Variants in PPP1R9A observed in about 807,000 individuals in gnomAD.
PPP1R9A encodes protein phosphatase 1 regulatory subunit 9A.
In PPP1R9A, 59 loss-of-function variants were observed where a neutral mutation model predicts 141.9. The ratio of observed to expected loss-of-function variants is 0.42; its 90% CI spans 0.34 to 0.52. The LOEUF is 0.52. Ranked by LOEUF, PPP1R9A falls within the 20% of genes least tolerant of loss-of-function variation. The pLI is 0.10. For synonymous variants in PPP1R9A, 500 were observed against 569.7 expected, an observed-to-expected ratio of 0.88 and a Z score of 1.74; for missense variants, 1,444 against 1,611.9, an observed-to-expected ratio of 0.90 and a Z score of 1.78.
intron 5 of PPP1R9A, among the ~76,000 whole-genome samples, chr7:95,194,648 A>G (rs1459273769): frequency 6.6e-6 from 1 of 152,072 alleles, no homozygotes; most frequent in African/African-American, 2.4e-5. Context: ...TTCAAAGATC[A>G]ATTATATGTC....
At chr7:95,198,572 C>T (rs1836628673) in intron 6 of PPP1R9A, 88 bp downstream of exon 6, 1 of 1,385,390 alleles carries the variant, frequency 7.2e-7, no homozygotes, top group Non-Finnish European at 9.5e-7. Context: ...AGGTTTTATG[C>T]AGTTTCTTGA....
intron 2 of PPP1R9A, among the ~76,000 whole-genome samples, chr7:94,926,045 C>T (rs1403999484): frequency 6.6e-6 from 1 of 152,054 alleles, no homozygotes; most frequent in East Asian, 1.9e-4. Context: ...TCAGGCTAGT[C>T]TGGAACTCCT....
chr7:95,072,974 T>C (rs979768707), intron 2 of PPP1R9A, among the ~76,000 whole-genome samples: 1 of 131,868 alleles, frequency 7.6e-6, no homozygotes, highest in African/African-American at 2.9e-5. Flanking sequence ...ATATATAATA[T>C]AATAATAATA....
At chr7:94,916,223 C>T (rs1792060404) in intron 2 of PPP1R9A, among the ~76,000 whole-genome samples, 1 of 152,118 alleles carries the variant, frequency 6.6e-6, no homozygotes, top group Admixed American at 6.6e-5. Context: ...AGTGTTTCAT[C>T]CATCCCATTA....
intron 4 of PPP1R9A, among the ~76,000 whole-genome samples, chr7:95,158,491 A>C (rs1829980718): frequency 6.6e-6 from 1 of 151,956 alleles, no homozygotes; most frequent in Admixed American, 6.6e-5. Flanking sequence ...CCCATCCCCC[A>C]CCTCCCCAAA....
chr7:94,933,887 C>A (rs116140624), intron 2 of PPP1R9A, among the ~76,000 whole-genome samples: 1,666 of 152,222 alleles, frequency 0.011, 32 homozygotes, highest in African/African-American at 0.038. Flanking sequence ...TATCTTCTTG[C>A]TCTATTTTTA....
At chr7:95,064,859 TTACTG>T (rs1812737965) in intron 2 of PPP1R9A, among the ~76,000 whole-genome samples, 1 of 152,186 alleles carries the variant, frequency 6.6e-6, no homozygotes, top group Admixed American at 6.5e-5. Context: ...TAAAATGACT[TTACTG>T]TAACATCTTT....
At chr7:95,190,553 G>C (rs1835348270) in intron 5 of PPP1R9A, among the ~76,000 whole-genome samples, 1 of 152,208 alleles carries the variant, frequency 6.6e-6, no homozygotes, top group Non-Finnish European at 1.5e-5. Context: ...CCACTGGTTT[G>C]CTGGGATTTT....
chr7:95,018,775 A>G (rs148044100), intron 2 of PPP1R9A, among the ~76,000 whole-genome samples: 69 of 152,240 alleles, frequency 4.5e-4, no homozygotes, highest in Non-Finnish European at 8.2e-4. Flanking sequence ...AGGAGGACCA[A>G]TGCAAACATG....
chr7:95,267,588 A>C (rs767281048), intron 12 of PPP1R9A, among the ~76,000 whole-genome samples: 17 of 152,108 alleles, frequency 1.1e-4, no homozygotes, highest in Non-Finnish European at 2.2e-4. Flanking sequence ...TAGCAAAATT[A>C]AAGGTGGTAA....
At chr7:95,119,959 T>C (rs1822244322) in intron 3 of PPP1R9A, among the ~76,000 whole-genome samples, 1 of 140,760 alleles carries the variant, frequency 7.1e-6, no homozygotes, top group Non-Finnish European at 1.5e-5. Flanking sequence ...CTATCTTTTT[T>C]TTTTTTTTTT....
chr7:95,198,516 A>G, intron 6 of PPP1R9A, 32 bp downstream of exon 6: 10 of 1,511,766 alleles, frequency 6.6e-6, no homozygotes, highest in Non-Finnish European at 8.9e-6. Flanking sequence ...TCTTTTTCCC[A>G]CATTTTCTAA....
chr7:94,984,312 C>T (rs2151361380), intron 2 of PPP1R9A, among the ~76,000 whole-genome samples: 1 of 152,202 alleles, frequency 6.6e-6, no homozygotes, highest in East Asian at 1.9e-4. Flanking sequence ...TGTGTCTCTG[C>T]CAGGCTTTGG....
chr7:95,202,420 A>G (rs1033451874), intron 6 of PPP1R9A, among the ~76,000 whole-genome samples: 2 of 152,154 alleles, frequency 1.3e-5, no homozygotes, highest in African/African-American at 4.8e-5. Context: ...CTATTTAAGA[A>G]GAGGGAGATG....
At chr7:95,239,943 G>A (rs371988902) in intron 8 of PPP1R9A, among the ~76,000 whole-genome samples, 1 of 151,894 alleles carries the variant, frequency 6.6e-6, no homozygotes, top group African/African-American at 2.4e-5. Flanking sequence ...AAAAACTTAT[G>A]TTTTTGGTTA....
intron 5 of PPP1R9A, among the ~76,000 whole-genome samples, chr7:95,178,216 C>T (rs148271284): frequency 6.6e-6 from 1 of 152,048 alleles, no homozygotes; most frequent in Admixed American, 6.6e-5. Context: ...AGCTGGAAAT[C>T]AACTCCAATA....
At chr7:95,050,396 A>G (rs541778496) in intron 2 of PPP1R9A, among the ~76,000 whole-genome samples, 1 of 152,192 alleles carries the variant, frequency 6.6e-6, no homozygotes, top group Non-Finnish European at 1.5e-5. Flanking sequence ...TGTGATAGGC[A>G]TATCTGAAGG....
intron 2 of PPP1R9A, among the ~76,000 whole-genome samples, chr7:94,946,651 C>T (rs1795924726): frequency 6.6e-6 from 1 of 152,054 alleles, no homozygotes; most frequent in Non-Finnish European, 1.5e-5. Context: ...TGTATATTGA[C>T]TGTCAGACTT....
At chr7:95,173,622 A>G (rs1054357154) in intron 5 of PPP1R9A, among the ~76,000 whole-genome samples, 1 of 151,992 alleles carries the variant, frequency 6.6e-6, no homozygotes, top group Non-Finnish European at 1.5e-5. Context: ...CTGTAAAACA[A>G]TTTTCTGATA....
Sources: allele counts gnomAD v4.1 joint callset (sites outside exome capture counted in the v4.1 genomes callset), GRCh38; gene constraint gnomAD v4.1.1; transcripts MANE v1.5; gene names NCBI Gene and HGNC (gene_info 2026-07-23, HGNC 2026-07-21).